ANGPT1: variants seen among roughly 807,000 people sequenced by gnomAD.
The protein encoded by ANGPT1 is angiopoietin-1.
ANGPT1 carries 17 observed loss-of-function variants against 62.2 expected under a neutral mutation model. That is an observed-to-expected ratio of 0.27 (90% CI 0.19 to 0.41). The LOEUF (loss-of-function observed/expected upper bound fraction) is 0.41, where lower values mean the gene tolerates loss of function less well. ANGPT1 is among the 10% of genes least tolerant of loss of function. ANGPT1 has a pLI of 1.00. For synonymous variants in ANGPT1, 199 were observed against 198.9 expected, an observed-to-expected ratio of 1.00 and a Z score of 0.00; for missense variants, 478 against 594.9, an observed-to-expected ratio of 0.80 and a Z score of 2.04.
chr8:107,283,233 A>C (rs1318630299), intron 7 of ANGPT1, among the ~76,000 whole-genome samples: 1 of 152,114 alleles, frequency 6.6e-6, no homozygotes, highest in Non-Finnish European at 1.5e-5. Flanking sequence ...CTTGTTATAA[A>C]ACTTTCAAAA....
chr8:107,412,934 G>T (rs958579227), intron 1 of ANGPT1, among the ~76,000 whole-genome samples: 1 of 152,156 alleles, frequency 6.6e-6, no homozygotes, highest in African/African-American at 2.4e-5. Flanking sequence ...AAGTTCCTAT[G>T]ATGTGCCAGG....
chr8:107,322,197 T>A, intron 3 of ANGPT1, 69 bp from the exon 4 acceptor site: 5 of 1,118,180 alleles, frequency 4.5e-6, no homozygotes, highest in South Asian at 1.6e-5. Context: ...ATAATTCAAT[T>A]GGTTCCTGAA....
At chr8:107,388,080 G>A (rs1162842414) in intron 1 of ANGPT1, among the ~76,000 whole-genome samples, 2 of 151,982 alleles carry the variant, frequency 1.3e-5, no homozygotes, top group Non-Finnish European at 2.9e-5. Flanking sequence ...ATTTTTTTAT[G>A]AAGAAACTAA....
chr8:107,283,506 T>A (rs73701023), intron 7 of ANGPT1, among the ~76,000 whole-genome samples: 51 of 152,032 alleles, frequency 3.4e-4, no homozygotes, highest in African/African-American at 1.2e-3. Flanking sequence ...TATGAAAATA[T>A]GCAGAATTCA....
At chr8:107,331,844 T>C (rs1815428828) in intron 3 of ANGPT1, among the ~76,000 whole-genome samples, 1 of 152,164 alleles carries the variant, frequency 6.6e-6, no homozygotes, top group African/African-American at 2.4e-5. Context: ...TCACTCTGCA[T>C]ACTCAGCACA....
chr8:107,295,604 T>C (rs1036177463), intron 5 of ANGPT1: 1 of 152,030 alleles, frequency 6.6e-6, no homozygotes, highest in Non-Finnish European at 1.5e-5. Context: ...TGAAGAATCA[T>C]GGAGACAATA....
At chr8:107,266,231 G>A (rs904231973) in intron 7 of ANGPT1, among the ~76,000 whole-genome samples, 2 of 152,194 alleles carry the variant, frequency 1.3e-5, no homozygotes, top group Non-Finnish European at 2.9e-5. Context: ...ATCACCAAAG[G>A]GAGTTCTGGG....
intron 5 of ANGPT1, among the ~76,000 whole-genome samples, chr8:107,302,721 G>A (rs1278572835): frequency 6.6e-6 from 1 of 151,836 alleles, no homozygotes; most frequent in Non-Finnish European, 1.5e-5. Context: ...TGATGAATCC[G>A]ATCCTCCAAC....
At chr8:107,338,608 A>C (rs1167007837) in intron 2 of ANGPT1, among the ~76,000 whole-genome samples, 1 of 152,244 alleles carries the variant, frequency 6.6e-6, no homozygotes, top group African/African-American at 2.4e-5. Flanking sequence ...ATGTTTGTAA[A>C]GGGTTTCAGC....
At chr8:107,416,013 C>A (rs538497592) in intron 1 of ANGPT1, among the ~76,000 whole-genome samples, 146 of 151,864 alleles carry the variant, frequency 9.6e-4, no homozygotes, top group African/African-American at 2.8e-3. Context: ...GAAAAAAAAA[C>A]CCCACAAACT....
intron 1 of ANGPT1, among the ~76,000 whole-genome samples, chr8:107,429,143 C>T (rs1294147184): frequency 1.3e-5 from 2 of 152,084 alleles, no homozygotes; most frequent in African/African-American, 4.8e-5. Flanking sequence ...AACTAAGTAC[C>T]AATTGCTCAA....
chr8:107,400,849 C>T (rs1227600761), intron 1 of ANGPT1, among the ~76,000 whole-genome samples: 2 of 148,828 alleles, frequency 1.3e-5, no homozygotes, highest in African/African-American at 2.5e-5. Context: ...CGTGAGCCAC[C>T]GTGCCCAGCA....
chr8:107,483,884 A>G (rs1441361209), intron 1 of ANGPT1, among the ~76,000 whole-genome samples: 1 of 152,242 alleles, frequency 6.6e-6, no homozygotes, highest in Non-Finnish European at 1.5e-5. Context: ...TTTAAAAAGA[A>G]AAGTAAAAAT....
intron 1 of ANGPT1, among the ~76,000 whole-genome samples, chr8:107,375,525 C>G (rs910707150): frequency 6.6e-6 from 1 of 152,150 alleles, no homozygotes; most frequent in Non-Finnish European, 1.5e-5. Flanking sequence ...AGCCAATCCT[C>G]CACTGAAACT....
intron 4 of ANGPT1, among the ~76,000 whole-genome samples, chr8:107,305,098 T>A (rs894081613): frequency 6.6e-6 from 1 of 152,028 alleles, no homozygotes; most frequent in Non-Finnish European, 1.5e-5. Flanking sequence ...CTTTACGGAC[T>A]GCTATTTTTC....
At chr8:107,392,247 A>G (rs1816850512) in intron 1 of ANGPT1, among the ~76,000 whole-genome samples, 1 of 152,122 alleles carries the variant, frequency 6.6e-6, no homozygotes, top group Non-Finnish European at 1.5e-5. Flanking sequence ...TTCCGAAGTT[A>G]TGTGTCATAT....
Position 107,322,105 on chromosome 8 carries a change from T to C in ANGPT1, c.599A>G (p.Glu200Gly), listed in dbSNP as rs367894124. 1.7e-5 allele frequency: 27 copies of C among 1,612,946 alleles called. No individual in the cohort carries two copies. Among genetic ancestry groups the C allele is most frequent in the Non-Finnish European group, 2.1e-5 (25 of 1,179,494 alleles). Residue 200 changes from glutamate to glycine, a missense_variant, in exon 4 of 9, where the codon GAA (glutamate) becomes GGA (glycine). Coordinates refer to ENST00000517746, the MANE Select transcript of ANGPT1 (RefSeq NM_001146.5). ...KNSLLEHKIL[E>G]MEGKHKEELD... The stretch of plus-strand genomic sequence containing the variant: ...CTCTTCCTTGTGTTTTCCTTCCATT[T>C]CTAAGATTTTATGTTCTAATAAACT...
intron 1 of ANGPT1, among the ~76,000 whole-genome samples, chr8:107,433,073 C>CT (rs915244550): frequency 5.9e-5 from 9 of 151,964 alleles, no homozygotes; most frequent in African/African-American, 1.2e-4. Context: ...TTTTTCCCCT[C>CT]TTTTTTTTGT....
intron 6 of ANGPT1, among the ~76,000 whole-genome samples, chr8:107,293,495 C>A (rs1814333690): frequency 6.6e-6 from 1 of 152,138 alleles, no homozygotes; most frequent in Admixed American, 6.6e-5. Flanking sequence ...CTTAGCTTAG[C>A]CACATGGAAA....
Sources: allele counts gnomAD v4.1 joint callset (sites outside exome capture counted in the v4.1 genomes callset), GRCh38; gene constraint gnomAD v4.1.1; transcripts MANE v1.5; gene names NCBI Gene and HGNC (gene_info 2026-07-23, HGNC 2026-07-21).